Variants in HECTD4 observed in about 807,000 individuals in gnomAD.
The protein encoded by HECTD4 is probable E3 ubiquitin-protein ligase HECTD4.
In HECTD4, 114 loss-of-function variants were observed where a neutral mutation model predicts 471.5. The ratio of observed to expected loss-of-function variants is 0.24; its 90% CI spans 0.21 to 0.28. The LOEUF is 0.28. Among genes scored for constraint, HECTD4 ranks in the 10% least tolerant of loss-of-function variants. HECTD4 has a pLI of 1.00. For missense variants in HECTD4, 3,866 were observed against 5,651.5 expected (o/e 0.68, Z 10.13); for synonymous variants, 2,012 against 2,256.0 (o/e 0.89, Z 3.07).
intron 1 of HECTD4, among the ~76,000 whole-genome samples, chr12:112,376,661 C>T (rs2036787202): frequency 6.6e-6 from 1 of 152,190 alleles, no homozygotes; most frequent in Non-Finnish European, 1.5e-5. Flanking sequence ...TTACTGGGCT[C>T]AGACCTCCAA....
At chr12:112,345,905 T>G (rs1469038683) in intron 1 of HECTD4, among the ~76,000 whole-genome samples, 4 of 151,954 alleles carry the variant, frequency 2.6e-5, no homozygotes, top group Non-Finnish European at 5.9e-5. Flanking sequence ...AAAAACAAAA[T>G]AAAGAAAGAA....
chr12:112,183,055 C>T lies in HECTD4; in HGVS notation c.10987+4G>A, dbSNP rs1368732680. 1.9e-6 allele frequency: 3 copies of T among 1,607,796 alleles called. No homozygotes were observed. In the African/African-American group the frequency reaches 4.0e-5, roughly 22 times the overall value. ...TACAGATTAAAAACAAATCCAGAAC[C>T]CACCTTTAATTGACTTATCATTGAA... On this transcript the variant is annotated splice_donor_region_variant and intron_variant, in intron 62 of 75. Coordinates refer to ENST00000682272, the MANE Select transcript of HECTD4 (RefSeq NM_001388303.1).
In HECTD4 at chr12:112,268,868, G is replaced by GTTTT. The variant is rs561805261; in HGVS notation, c.2321+832_2321+835dup. Among the ~76,000 whole-genome samples the GTTTT allele has an allele frequency of 4.3e-3, 281 of 65,840 alleles. 2 individuals carry two copies. Among genetic ancestry groups the GTTTT allele is most frequent in the African/African-American group, 7.2e-3 (106 of 14,782 alleles). 43.2% of individuals were successfully genotyped at this position (65,840 alleles called of 152,430 possible). A position where few individuals can be genotyped will look rare whatever the true frequency, so the allele number is the denominator to read the frequency against. ...AAATTCTGCTCTCTTGTCTGAAAAG[G>GTTTT]TTTTTTTTTTTTTTTTTTTTTTTTG... On this transcript the variant is annotated intron_variant, in intron 13 of 75. Transcript: ENST00000682272.
chr12:112,184,494 T>C lies in HECTD4; in HGVS notation c.10472A>G (p.Gln3491Arg). ...MSISASASTS[Q>R]ASICSSQGIS... ...GCCCTGCGAGCTGCAGATGGAGGCC[T>C]GGCTGGTGGAGGCGGAGGCGCTGAT... The change falls in exon 61 of 76, where the codon CAG becomes CGG. Residue 3491 changes from glutamine to arginine, a missense_variant. Gln to Arg is a conservative substitution (Grantham distance 43). This residue lies in a region of HECTD4 where 192 missense variants were observed against 189.9 expected (regional missense o/e 1.01). Transcript: ENST00000682272. The surrounding 1 kb of genome is among the most constrained non-coding windows in gnomAD (Gnocchi z 9.1). 6.2e-7 allele frequency: 1 copy of C among 1,609,020 alleles called. No individual in the cohort carries two copies. The highest frequency in any genetic ancestry group is 8.5e-7 in the Non-Finnish European group (1 of 1,178,120).
At chr12:112,372,609 T>C (rs2135764265) in intron 1 of HECTD4, among the ~76,000 whole-genome samples, 1 of 152,194 alleles carries the variant, frequency 6.6e-6, no homozygotes, top group Non-Finnish European at 1.5e-5. Context: ...TTAAAATGTT[T>C]TGTAGAGATG....
At chr12:112,337,565 T>C (rs183338114) in intron 1 of HECTD4, among the ~76,000 whole-genome samples, 2 of 152,234 alleles carry the variant, frequency 1.3e-5, no homozygotes, top group Admixed American at 6.5e-5. Flanking sequence ...TACCAACAAA[T>C]CACTGGATTA....
chr12:112,172,232 CA>C (rs2031252644), intron 67 of HECTD4, among the ~76,000 whole-genome samples: 2 of 152,212 alleles, frequency 1.3e-5, no homozygotes, highest in South Asian at 4.1e-4. Flanking sequence ...TTTGGAAACA[CA>C]GGGGCACCTG....
chr12:112,285,792 G>A (rs979949253), intron 7 of HECTD4, among the ~76,000 whole-genome samples: 6 of 151,342 alleles, frequency 4.0e-5, no homozygotes, highest in African/African-American at 4.9e-5. Flanking sequence ...CCTCCCCACC[G>A]ACATTTCTAC....
rs890340350 is a variant in HECTD4, at chr12:112,267,251, G to A, written c.2322-269C>T. On this transcript the variant is annotated intron_variant, in intron 13 of 75. Coordinates refer to ENST00000682272, the MANE Select transcript of HECTD4 (RefSeq NM_001388303.1). ...CGACCATCCCCGATAGAGGAGGACC[G>A]GTCTTCGGTCAAGGGTATACGAGTA... 90 of 421,936 alleles carry A rather than the reference G, an allele frequency of 2.1e-4. 1 individual carries two copies. Among genetic ancestry groups the A allele is most frequent in the East Asian group, 1.7e-3 (37 of 22,128 alleles). The allele number at this position is 421,936 out of a possible 1,614,324, so 26.1% of individuals were successfully genotyped here. A position where few individuals can be genotyped will look rare whatever the true frequency, so the allele number is the denominator to read the frequency against.
At chr12:112,365,772 GTTTT>G (rs5800943) in intron 1 of HECTD4, among the ~76,000 whole-genome samples, 1 of 91,976 alleles carries the variant, frequency 1.1e-5, no homozygotes, top group Non-Finnish European at 2.2e-5. Context: ...TTTTTTTTTT[GTTTT>G]TTTTTTTTTT....
intron 1 of HECTD4, among the ~76,000 whole-genome samples, chr12:112,325,314 T>A (rs1319205851): frequency 6.6e-6 from 1 of 152,250 alleles, no homozygotes; most frequent in Non-Finnish European, 1.5e-5. Flanking sequence ...TAAATGACTG[T>A]TGTGTTTATT....
intron 38 of HECTD4, among the ~76,000 whole-genome samples, chr12:112,232,208 G>A (rs2033397739): frequency 1.3e-5 from 2 of 152,138 alleles, no homozygotes; most frequent in African/African-American, 4.8e-5. Flanking sequence ...TCGGCTCACT[G>A]CAACCTCCAC....
chr12:112,167,957 CGGCGGGA>C, intron 70 of HECTD4, 40 bp from the exon 71 acceptor site: 1 of 1,484,086 alleles, frequency 6.7e-7, no homozygotes, highest in Non-Finnish European at 9.4e-7. Context: ...TGGGGTGTCC[CGGCGGGA>C]GGCGACACCG....
chr12:112,272,976 G>A (rs1024372767), intron 11 of HECTD4, among the ~76,000 whole-genome samples: 1 of 152,204 alleles, frequency 6.6e-6, no homozygotes, highest in African/African-American at 2.4e-5. Flanking sequence ...GCAGACTGAG[G>A]TGGAGGATAG....
At chr12:112,345,155 A>G (rs2036125056) in intron 1 of HECTD4, among the ~76,000 whole-genome samples, 1 of 152,082 alleles carries the variant, frequency 6.6e-6, no homozygotes, top group Non-Finnish European at 1.5e-5. Flanking sequence ...CAGGAGGCTG[A>G]GGCAAGAGGA....
chr12:112,261,567 A>T (rs1041430476), intron 17 of HECTD4, 138 bp from the exon 18 acceptor site: 1 of 859,584 alleles, frequency 1.2e-6, no homozygotes, highest in African/African-American at 1.7e-5. Flanking sequence ...AAAGCAGTAA[A>T]TTCTGCTAGA....
Position 112,163,425 on chromosome 12 carries a change from G to T in HECTD4, c.12897+117C>A. On this transcript the variant is annotated intron_variant, in intron 74 of 75. Coordinates refer to ENST00000682272, the MANE Select transcript of HECTD4 (RefSeq NM_001388303.1). The surrounding 1 kb of genome is among the most constrained non-coding windows in gnomAD (Gnocchi z 8.2). ...AATGATGACAATGATACAGGTCTGT[G>T]GCAAGGACAGAGCTGAGACAGGCCA... 1 of 1,054,386 alleles carries T rather than the reference G, an allele frequency of 9.5e-7. No homozygotes were observed. The highest frequency in any genetic ancestry group is 1.4e-6 in the Non-Finnish European group (1 of 737,106). 65.3% of individuals were successfully genotyped at this position (1,054,386 alleles called of 1,614,324 possible).
intron 1 of HECTD4, among the ~76,000 whole-genome samples, chr12:112,374,262 G>A (rs992190974): frequency 6.6e-6 from 1 of 152,062 alleles, no homozygotes; most frequent in Non-Finnish European, 1.5e-5. Flanking sequence ...GGAGTGTGAG[G>A]CTGCAGTGAA....
intron 7 of HECTD4, among the ~76,000 whole-genome samples, chr12:112,295,506 T>TA (rs1383739785): frequency 5.3e-5 from 8 of 151,056 alleles, no homozygotes. Flanking sequence ...TATTAATTTT[T>TA]TTTTTTTTTT....
Sources: allele counts gnomAD v4.1 joint callset (sites outside exome capture counted in the v4.1 genomes callset), GRCh38; gene constraint gnomAD v4.1.1; regional missense constraint gnomAD v4.1.1; non-coding constraint Gnocchi (gnomAD v3.1); transcripts MANE v1.5; gene names NCBI Gene and HGNC (gene_info 2026-07-23, HGNC 2026-07-21).